Variants in PRELID2 observed in about 807,000 individuals in gnomAD.
The protein encoded by PRELID2 is PRELI domain-containing protein 2.
A neutral mutation model predicts 28.4 loss-of-function variants in PRELID2; 25 were observed. That is an observed-to-expected ratio of 0.88 (90% confidence interval 0.64 to 1.23). PRELID2 has a LOEUF of 1.23. PRELID2 is among the 50% of genes most tolerant of loss of function. The probability of loss-of-function intolerance (pLI) is 0.00; values close to 1 mark genes in which losing one functional copy is unlikely to be tolerated. For missense variants in PRELID2, 201 were observed against 214.4 expected, an observed-to-expected ratio of 0.94 and a Z score of 0.39; for synonymous variants, 76 against 71.6, an observed-to-expected ratio of 1.06 and a Z score of -0.31.
chr5:145,416,666 T>C, the PRELID2 span, among the ~76,000 whole-genome samples: 1 of 152,088 alleles, frequency 6.6e-6, no homozygotes, highest in African/African-American at 2.4e-5. Context: ...GAGGAAAATT[T>C]ATAGCATTGA....
Position 145,733,783 on chromosome 5 carries a change from T to A in PRELID2, n.70+31148A>T, listed in dbSNP as rs1399629578. On this transcript the variant is annotated intron_variant and non_coding_transcript_variant, in intron 1 of 2. Coordinates refer to the PRELID2 transcript ENST00000510259. Reference sequence around the variant, plus strand: ...CCAGTTGTGGTGAGCAGAATAGTGGTCCCTGAAAGATGTCCATGCCCTAAT... The same window carrying A: ...CCAGTTGTGGTGAGCAGAATAGTGGACCCTGAAAGATGTCCATGCCCTAAT... Among the ~76,000 whole-genome samples, 3 of 152,184 alleles carry A rather than the reference T, an allele frequency of 2.0e-5. No individual in the cohort carries two copies. The East Asian group carries it at 5.8e-4, about 29-fold the overall frequency.
chr5:145,410,289 A>G, the PRELID2 span, among the ~76,000 whole-genome samples: 1 of 152,236 alleles, frequency 6.6e-6, no homozygotes, highest in African/African-American at 2.4e-5. Flanking sequence ...AGCAAATGCA[A>G]CAAAAACAAA....
chr5:145,514,980 C>G (rs1752503565), intron 1 of PRELID2, among the ~76,000 whole-genome samples: 1 of 152,084 alleles, frequency 6.6e-6, no homozygotes, highest in Admixed American at 6.5e-5. Context: ...TACAACGTAC[C>G]AGAATCTCTA....
intron 1 of PRELID2, among the ~76,000 whole-genome samples, chr5:145,740,292 A>ATATATATT (rs1756626662): frequency 1.1e-5 from 1 of 91,468 alleles, no homozygotes; most frequent in African/African-American, 4.6e-5. Flanking sequence ...ATATATATAT[A>ATATATATT]TATATATATA....
At chr5:145,476,435 A>G (rs111498450) in intron 1 of PRELID2, among the ~76,000 whole-genome samples, 3,231 of 152,302 alleles carry the variant, frequency 0.021, 118 homozygotes, top group African/African-American at 0.073. Context: ...ACCTAAGTCC[A>G]GGAGTTCAAG....
At chr5:145,742,092 A>T (rs1417460915) in intron 1 of PRELID2, among the ~76,000 whole-genome samples, 1 of 129,402 alleles carries the variant, frequency 7.7e-6, no homozygotes, top group East Asian at 2.2e-4. Context: ...ATATATTTAT[A>T]ATTACATATA....
the PRELID2 span, among the ~76,000 whole-genome samples, chr5:145,339,551 G>A: frequency 6.6e-6 from 1 of 152,184 alleles, no homozygotes; most frequent in East Asian, 1.9e-4. Flanking sequence ...GCATCTTAGT[G>A]CCATTCTAAG....
At chr5:145,485,253 G>A (rs1489186610) in intron 1 of PRELID2, among the ~76,000 whole-genome samples, 1 of 152,204 alleles carries the variant, frequency 6.6e-6, no homozygotes, top group Non-Finnish European at 1.5e-5. Flanking sequence ...TCAGCCACAG[G>A]ACAATCTGAG....
At chr5:145,704,914 G>A (rs974573437) in intron 1 of PRELID2, among the ~76,000 whole-genome samples, 1 of 152,216 alleles carries the variant, frequency 6.6e-6, no homozygotes, top group African/African-American at 2.4e-5. Context: ...ACAGGAAGGA[G>A]CTGAGAGTCA....
chr5:145,385,320 G>GA, the PRELID2 span, among the ~76,000 whole-genome samples: 14 of 152,054 alleles, frequency 9.2e-5, 1 homozygote, highest in Admixed American at 7.9e-4. Context: ...AAGTGTCTGT[G>GA]AAAAAAATCT....
intron 1 of PRELID2, among the ~76,000 whole-genome samples, chr5:145,669,115 T>C (rs924482989): frequency 2.0e-5 from 3 of 152,116 alleles, no homozygotes; most frequent in African/African-American, 7.2e-5. Context: ...AACCAATTAC[T>C]TAGGAAAAGA....
At chr5:145,230,646 G>C in the PRELID2 span, among the ~76,000 whole-genome samples, 1 of 152,130 alleles carries the variant, frequency 6.6e-6, no homozygotes, top group African/African-American at 2.4e-5. Context: ...AAATAGGCTA[G>C]TACTGTGTGA....
At chr5:145,465,889 C>T in the PRELID2 span, among the ~76,000 whole-genome samples, 1 of 152,100 alleles carries the variant, frequency 6.6e-6, no homozygotes, top group African/African-American at 2.4e-5. Flanking sequence ...CAAACTTTTC[C>T]TTTTCCAAAG....
At chr5:145,581,232 C>G (rs546555767) in intron 1 of PRELID2, among the ~76,000 whole-genome samples, 1 of 152,150 alleles carries the variant, frequency 6.6e-6, no homozygotes, top group South Asian at 2.1e-4. Flanking sequence ...CTTCTACTCC[C>G]CACAAAGTGC....
At chr5:145,327,162 G>GTT in the PRELID2 span, among the ~76,000 whole-genome samples, 1 of 151,974 alleles carries the variant, frequency 6.6e-6, no homozygotes, top group Admixed American at 6.6e-5. Flanking sequence ...CAGGTCCACT[G>GTT]TTTTTTTACT....
intron 1 of PRELID2, among the ~76,000 whole-genome samples, chr5:145,493,228 TCCCTGAAGTCAG>T (rs1253444086): frequency 2.6e-5 from 4 of 151,828 alleles, no homozygotes; most frequent in Admixed American, 6.6e-5. Context: ...TCCCAGATTG[TCCCTGAAGTCAG>T]CTTTAATACT....
At chr5:145,323,168 C>T in the PRELID2 span, among the ~76,000 whole-genome samples, 2 of 150,518 alleles carry the variant, frequency 1.3e-5, no homozygotes, top group South Asian at 4.2e-4. Flanking sequence ...GAAGACAGCA[C>T]CAGCAGAGGG....
chr5:145,540,867 C>G (rs941369590), intron 1 of PRELID2, among the ~76,000 whole-genome samples: 2 of 151,596 alleles, frequency 1.3e-5, no homozygotes, highest in Non-Finnish European at 2.9e-5. Flanking sequence ...ATCAGGTTTT[C>G]GAAAATATCA....
At chr5:145,658,871 A>T (rs917341754) in intron 1 of PRELID2, among the ~76,000 whole-genome samples, 1 of 152,272 alleles carries the variant, frequency 6.6e-6, no homozygotes, top group African/African-American at 2.4e-5. Flanking sequence ...AAGGAAAAAT[A>T]AAACAGAGTA....
Sources: gnomAD v4.1 joint callset for allele counts (sites outside exome capture counted in the v4.1 genomes callset) on GRCh38, gnomAD v4.1.1 for gene constraint, MANE v1.5 for transcripts, NCBI Gene and HGNC (gene_info 2026-07-23, HGNC 2026-07-21) for gene names.